The following NCKAP1L variants were observed in gnomAD, a reference collection of about 807,000 sequenced individuals.
NCKAP1L encodes NCK associated protein 1 like, also known as nck-associated protein 1-like.
A neutral mutation model predicts 139.2 loss-of-function variants in NCKAP1L; 53 were observed. The observed-to-expected ratio is 0.38, with a 90% confidence interval of 0.31 to 0.48. The LOEUF (loss-of-function observed/expected upper bound fraction) is 0.48, where lower values mean the gene tolerates loss of function less well. NCKAP1L is among the 20% of genes least tolerant of loss of function. The pLI is 0.98. For missense variants in NCKAP1L, 1,151 were observed against 1,381.9 expected (o/e 0.83, Z 2.65); for synonymous variants, 468 against 499.7 (o/e 0.94, Z 0.85).
chr12:54,511,992 G>A lies in NCKAP1L; in HGVS notation c.828G>A (p.Gln276=). Residue 276 remains glutamine, a synonymous_variant, in exon 9 of 31, where the codon CAG becomes CAA. Transcript: ENST00000293373. ...ATGGGTGCCTCAACTCCAATAGCCA[G>A]TGCCAGAAGCTGTGGAAGCTGTGTC... ...LCHGCLNSNS[Q]CQKLWKLCLQ... is the part of the protein sequence containing the mutation. 6.2e-7 allele frequency: 1 copy of A among 1,614,186 alleles called. No individual in the cohort carries two copies. The highest frequency in any genetic ancestry group is 1.1e-5 in the South Asian group (1 of 91,086).
intron 2 of NCKAP1L, among the ~76,000 whole-genome samples, chr12:54,499,835 A>C (rs1015238298): frequency 6.6e-6 from 1 of 152,226 alleles, no homozygotes; most frequent in Non-Finnish European, 1.5e-5. Context: ...TTCTGCATCT[A>C]ATGGGATATC....
At chr12:54,534,584 ACG>A (rs1957099097) in intron 26 of NCKAP1L, among the ~76,000 whole-genome samples, 1 of 152,180 alleles carries the variant, frequency 6.6e-6, no homozygotes. Flanking sequence ...TAAGGGATGG[ACG>A]TAACAGATAT....
At chr12:54,539,018 G>A (rs1277976840) in intron 30 of NCKAP1L, 45 bp downstream of exon 30, 1 of 1,533,626 alleles carries the variant, frequency 6.5e-7, no homozygotes, top group East Asian at 2.3e-5. Flanking sequence ...GAATGGAAGG[G>A]CCAGAGGGAG....
intron 30 of NCKAP1L, among the ~76,000 whole-genome samples, chr12:54,539,879 G>C (rs541209540): frequency 1.3e-5 from 2 of 152,302 alleles, no homozygotes; most frequent in South Asian, 2.1e-4. Flanking sequence ...TTCCTACTGA[G>C]GCGGACCGTC....
chr12:54,512,764 ATGTGTGTGTG>A (rs55837974), intron 9 of NCKAP1L, among the ~76,000 whole-genome samples: 2 of 149,942 alleles, frequency 1.3e-5, no homozygotes, highest in African/African-American at 2.5e-5. Context: ...GAGTGTGTGT[ATGTGTGTGTG>A]TGTGTGTGTG....
intron 10 of NCKAP1L, 42 bp downstream of exon 10, chr12:54,516,337 G>A (rs778308480): frequency 2.5e-6 from 4 of 1,575,254 alleles, no homozygotes; most frequent in Non-Finnish European, 3.5e-6. Flanking sequence ...GGATGGAATA[G>A]GAATCTCTTC....
intron 1 of NCKAP1L, among the ~76,000 whole-genome samples, chr12:54,499,016 C>T (rs1956774630): frequency 6.6e-6 from 1 of 151,968 alleles, no homozygotes; most frequent in South Asian, 2.1e-4. Flanking sequence ...ACCTCCGCCT[C>T]CCGGGTTCAA....
chr12:54,538,631 GC>G (rs1051587294), intron 29 of NCKAP1L, among the ~76,000 whole-genome samples: 6 of 152,132 alleles, frequency 3.9e-5, no homozygotes, highest in Admixed American at 3.9e-4. Context: ...TCGTTTCCCT[GC>G]CCCTTGCAAT....
At chr12:54,530,974 A>G (rs763076018) in intron 22 of NCKAP1L, among the ~76,000 whole-genome samples, 3 of 152,226 alleles carry the variant, frequency 2.0e-5, no homozygotes. Flanking sequence ...CCCAAGTGTC[A>G]TATAAAGGAA....
intron 22 of NCKAP1L, among the ~76,000 whole-genome samples, chr12:54,528,660 C>T (rs1215656753): frequency 6.6e-6 from 1 of 151,286 alleles, no homozygotes; most frequent in Non-Finnish European, 1.5e-5. Context: ...GAGTCTCGCT[C>T]TGTTGCCCAG....
intron 29 of NCKAP1L, 65 bp downstream of exon 29, chr12:54,537,118 C>T: frequency 9.0e-7 from 1 of 1,112,036 alleles, no homozygotes; most frequent in Admixed American, 1.8e-5. Flanking sequence ...TGACTTAAAT[C>T]TGTAGACAAT....
rs747469295 is a variant in NCKAP1L, at chr12:54,516,964, C to T, written c.1067C>T (p.Ala356Val). Residue 356 changes from alanine to valine, a missense_variant, in exon 11 of 31, where the codon GCT becomes GTT. Physicochemically the swap from Ala to Val is moderately conservative, Grantham distance 64. Transcript: ENST00000293373. ...MAVKELETVL[A>V]DEPGLLGPKA... is the part of the protein sequence containing the mutation. ...GTGAAGGAGCTGGAGACTGTGTTGG[C>T]TGATGAACCGGGACTACTGGGTCCT... 6.2e-7 allele frequency: 1 copy of T among 1,612,408 alleles called. No homozygotes were observed. The highest frequency in any genetic ancestry group is 1.1e-5 in the South Asian group (1 of 91,066).
intron 17 of NCKAP1L, 106 bp from the exon 18 acceptor site, chr12:54,521,013 G>A (rs919290901): frequency 1.9e-6 from 3 of 1,559,546 alleles, no homozygotes; most frequent in African/African-American, 2.7e-5. Flanking sequence ...GTAGGAATGG[G>A]TAGGAATCTT....
intron 3 of NCKAP1L, among the ~76,000 whole-genome samples, chr12:54,505,958 G>T (rs1334280333): frequency 6.6e-6 from 1 of 152,154 alleles, no homozygotes; most frequent in Non-Finnish European, 1.5e-5. Flanking sequence ...CACGGCACCC[G>T]GCCTCAGTCC....
chr12:54,500,354 C>T (rs1035214591), intron 2 of NCKAP1L, among the ~76,000 whole-genome samples, 179 bp from the exon 3 acceptor site: 1 of 152,156 alleles, frequency 6.6e-6, no homozygotes, highest in Non-Finnish European at 1.5e-5. Context: ...GAACCCCTGA[C>T]CTCAGGTGAT....
intron 11 of NCKAP1L, 44 bp from the exon 12 acceptor site, chr12:54,517,489 A>G (rs368552496): frequency 2.1e-4 from 281 of 1,341,708 alleles, no homozygotes; most frequent in Non-Finnish European, 2.8e-4. Flanking sequence ...TTTGAAATCC[A>G]TTTTTAAAGT....
At chr12:54,509,252 A>T (rs1408668813) in intron 5 of NCKAP1L, among the ~76,000 whole-genome samples, 1 of 152,182 alleles carries the variant, frequency 6.6e-6, no homozygotes, top group East Asian at 1.9e-4. Flanking sequence ...TCATTCTATG[A>T]TGATGTGTAT....
chr12:54,520,843 C>T lies in NCKAP1L; in HGVS notation c.1758+17C>T, dbSNP rs1956976669. 2 of 1,613,934 alleles carry T rather than the reference C, an allele frequency of 1.2e-6. No homozygotes were observed. The highest frequency in any genetic ancestry group is 1.6e-4 in the Middle Eastern group (1 of 6,062). On this transcript the variant is annotated intron_variant, in intron 17 of 30. Transcript: ENST00000293373. Reference sequence around the variant, plus strand: ...CCAGAGGAGGTAGGTATCCTGATCTCCAGACCCTGTCATCTTTCTAGTCAT... The same window carrying T: ...CCAGAGGAGGTAGGTATCCTGATCTTCAGACCCTGTCATCTTTCTAGTCAT...
chr12:54,531,296 G>A lies in NCKAP1L; in HGVS notation c.2543G>A (p.Gly848Asp). The A allele has an allele frequency of 6.2e-7, 1 of 1,614,186 alleles. No individual in the cohort carries two copies. Among genetic ancestry groups the A allele is most frequent in the Non-Finnish European group, 8.5e-7 (1 of 1,180,016 alleles). The change falls in exon 23 of 31, where the codon GGC (glycine) becomes GAC (aspartate). Residue 848 changes from glycine (G) to aspartate (D), a missense_variant. By Grantham distance (94) the Gly-to-Asp change is moderately conservative. Transcript: ENST00000293373. ...RALAELLGPY[G>D]MKFLSENLMW... ...TTGGCAGAACTCCTGGGCCCCTATGGCATGAAGTTCCTGAGTGAAAACCTG... is the reference window on the plus strand; with the variant it reads ...TTGGCAGAACTCCTGGGCCCCTATGACATGAAGTTCCTGAGTGAAAACCTG...
Sources: gnomAD v4.1 joint callset for allele counts (sites outside exome capture counted in the v4.1 genomes callset) on GRCh38, gnomAD v4.1.1 for gene constraint, MANE v1.5 for transcripts, NCBI Gene and HGNC (gene_info 2026-07-23, HGNC 2026-07-21) for gene names.